The following SPRED1 variants were observed in gnomAD, a reference collection of about 807,000 sequenced individuals.
SPRED1 encodes sprouty related EVH1 domain containing 1, also known as sprouty-related, EVH1 domain-containing protein 1.
SPRED1 carries 18 observed loss-of-function variants against 52.3 expected under a neutral mutation model. The ratio of observed to expected loss-of-function variants is 0.34; its 90% confidence interval spans 0.24 to 0.51. The LOEUF is 0.51. Among genes scored for constraint, SPRED1 ranks in the 20% least tolerant of loss-of-function variants. The probability of loss-of-function intolerance (pLI) is 0.97; values close to 1 mark genes in which losing one functional copy is unlikely to be tolerated. For synonymous variants in SPRED1, 155 were observed against 179.7 expected (o/e 0.86, Z 1.10); for missense variants, 485 against 551.0 (o/e 0.88, Z 1.20).
At chr15:38,262,768 A>C (rs1894230661) in intron 1 of SPRED1, among the ~76,000 whole-genome samples, 1 of 152,346 alleles carries the variant, frequency 6.6e-6, no homozygotes, top group East Asian at 1.9e-4. Flanking sequence ...GGTTAGTAAT[A>C]AGATGAATTT....
intron 5 of SPRED1, among the ~76,000 whole-genome samples, chr15:38,344,107 A>G (rs1161123212): frequency 6.6e-6 from 1 of 152,202 alleles, no homozygotes; most frequent in Non-Finnish European, 1.5e-5. Context: ...ACTTCCAGGC[A>G]TCCTGTGAGA....
intron 2 of SPRED1, 113 bp from the exon 3 acceptor site, chr15:38,322,127 TA>T: frequency 9.7e-7 from 1 of 1,036,178 alleles, no homozygotes; most frequent in Non-Finnish European, 1.4e-6. Context: ...TTTAAAATAC[TA>T]AAAATTATTC....
At chr15:38,330,260 G>A (rs959052655) in intron 4 of SPRED1, among the ~76,000 whole-genome samples, 4 of 152,262 alleles carry the variant, frequency 2.6e-5, no homozygotes. Context: ...ATTGTGTCTT[G>A]CTGCATTTTT....
intron 2 of SPRED1, among the ~76,000 whole-genome samples, chr15:38,307,022 CA>C (rs1201046219): frequency 2.6e-5 from 4 of 152,148 alleles, no homozygotes; most frequent in Non-Finnish European, 5.9e-5. Flanking sequence ...TAATTTATTT[CA>C]CATCCTTTCC....
chr15:38,352,420 C>T lies in SPRED1; in HGVS notation c.*756C>T, dbSNP rs530810790. 6 of 152,418 alleles carry T rather than the reference C, an allele frequency of 3.9e-5. No homozygotes were observed. The highest frequency in any genetic ancestry group is 7.2e-5 in the African/African-American group (3 of 41,468). The allele number at this position is 152,418 out of a possible 1,614,324, so 9.4% of individuals were successfully genotyped here. On this transcript the variant is annotated 3_prime_UTR_variant, in exon 7 of 7. Coordinates refer to ENST00000299084, the MANE Select transcript of SPRED1 (RefSeq NM_152594.3). ...TGGTAATCTAAAATCCTTAAAAATA[C>T]TCTAATAGCCTTGAGTGACCAACTT...
chr15:38,281,660 A>G (rs1595723121), intron 1 of SPRED1, among the ~76,000 whole-genome samples: 2 of 147,688 alleles, frequency 1.4e-5, no homozygotes, highest in Admixed American at 7.1e-5. Context: ...CAGCCTCCCA[A>G]GGTGTTAGGA....
At chr15:38,281,838 A>C (rs1164549344) in intron 1 of SPRED1, among the ~76,000 whole-genome samples, 1 of 152,118 alleles carries the variant, frequency 6.6e-6, no homozygotes, top group Non-Finnish European at 1.5e-5. Context: ...ATGAAGAAGA[A>C]ATTTTTGACC....
intron 1 of SPRED1, among the ~76,000 whole-genome samples, chr15:38,294,371 A>G (rs550692299): frequency 1.3e-5 from 2 of 152,262 alleles, no homozygotes; most frequent in East Asian, 3.9e-4. Context: ...ATTTTGTTTT[A>G]ATACTATTGT....
chr15:38,328,241 A>T, intron 4 of SPRED1, among the ~76,000 whole-genome samples: 1 of 152,228 alleles, frequency 6.6e-6, no homozygotes, highest in East Asian at 1.9e-4. Flanking sequence ...TTTTAACAGT[A>T]AAAGTAATGA....
intron 3 of SPRED1, 27 bp from the exon 4 acceptor site, chr15:38,324,736 T>C (rs1566867993): frequency 6.4e-7 from 1 of 1,569,392 alleles, no homozygotes. Flanking sequence ...AATTCTATAC[T>C]TAATTAACTT....
intron 2 of SPRED1, among the ~76,000 whole-genome samples, chr15:38,314,323 T>A (rs1282783272): frequency 6.6e-6 from 1 of 151,878 alleles, no homozygotes; most frequent in Non-Finnish European, 1.5e-5. Flanking sequence ...AAGTTTTTCT[T>A]GTGTTTATTC....
At chr15:38,346,356 A>G (rs1466379633) in intron 5 of SPRED1, among the ~76,000 whole-genome samples, 2 of 152,054 alleles carry the variant, frequency 1.3e-5, no homozygotes, top group African/African-American at 4.8e-5. Flanking sequence ...ACATTGTTTC[A>G]AAGTCTTATA....
At chr15:38,316,998 A>G (rs1310245079) in intron 2 of SPRED1, among the ~76,000 whole-genome samples, 1 of 151,666 alleles carries the variant, frequency 6.6e-6, no homozygotes, top group African/African-American at 2.4e-5. Context: ...AGCTGTCTAC[A>G]CTTCTGATGT....
chr15:38,299,463 C>T lies in SPRED1; in HGVS notation c.123C>T (p.Ser41=), dbSNP rs748759533. The T allele has an allele frequency of 8.1e-6, 13 of 1,613,796 alleles. No individual in the cohort carries two copies. Among genetic ancestry groups the T allele is most frequent in the Middle Eastern group, 1.6e-4 (1 of 6,080 alleles). ...CACTTGGAGGGAGTGGACTAAGCAG[C>T]GTCACTGTCTTCAAAGTCCCTCATC... ...WLPLGGSGLS[S]VTVFKVPHQE... is the part of the protein sequence containing the mutation. Residue 41 remains serine, a synonymous_variant, in exon 2 of 7, where the codon AGC becomes AGT. Transcript: ENST00000299084.
intron 4 of SPRED1, among the ~76,000 whole-genome samples, chr15:38,330,612 G>A (rs769915372): frequency 6.6e-6 from 1 of 152,024 alleles, no homozygotes; most frequent in Non-Finnish European, 1.5e-5. Context: ...AATACCTAAA[G>A]AATTGCTTTG....
At chr15:38,340,496 TATAAA>T (rs891047064) in intron 5 of SPRED1, among the ~76,000 whole-genome samples, 1 of 152,128 alleles carries the variant, frequency 6.6e-6, no homozygotes, top group African/African-American at 2.4e-5. Flanking sequence ...AGTCTGCGCT[TATAAA>T]AGAGATCAAC....
chr15:38,260,181 G>A (rs1271717574), intron 1 of SPRED1, among the ~76,000 whole-genome samples: 1 of 152,170 alleles, frequency 6.6e-6, no homozygotes, highest in Non-Finnish European at 1.5e-5. Context: ...ATTACTAAAG[G>A]TCCAAAATCA....
intron 5 of SPRED1, among the ~76,000 whole-genome samples, chr15:38,347,838 T>A (rs745477178): frequency 8.5e-5 from 13 of 152,084 alleles, no homozygotes; most frequent in Non-Finnish European, 1.6e-4. Flanking sequence ...CTGAAGATTA[T>A]AGCAAAAGTA....
At chr15:38,256,707 A>G (rs768666256) in intron 1 of SPRED1, among the ~76,000 whole-genome samples, 4 of 152,180 alleles carry the variant, frequency 2.6e-5, no homozygotes, top group Admixed American at 6.5e-5. Flanking sequence ...TTATGGTTAT[A>G]TCATTTAGTG....
Sources: gnomAD v4.1 joint callset for allele counts (sites outside exome capture counted in the v4.1 genomes callset) on GRCh38, gnomAD v4.1.1 for gene constraint, MANE v1.5 for transcripts, NCBI Gene and HGNC (gene_info 2026-07-23, HGNC 2026-07-21) for gene names.